PKHD1: variants seen among roughly 807,000 people sequenced by gnomAD.
PKHD1 encodes the protein PKHD1 ciliary IPT domain containing fibrocystin/polyductin.
PKHD1 carries 291 observed loss-of-function variants against 412.0 expected under a neutral mutation model. The ratio of observed to expected loss-of-function variants is 0.71; its 90% CI spans 0.64 to 0.78. The LOEUF is 0.78. Among genes scored for constraint, PKHD1 ranks in the 30% least tolerant of loss-of-function variants. PKHD1 has a pLI of 0.00. For missense variants in PKHD1, 4,825 were observed against 4,950.7 expected (o/e 0.97, Z 0.76); for synonymous variants, 1,777 against 1,821.5 (o/e 0.98, Z 0.62).
intron 28 of PKHD1, 29 bp downstream of exon 28, chr6:52,035,562 A>G: frequency 6.2e-7 from 1 of 1,606,140 alleles, no homozygotes; most frequent in Non-Finnish European, 8.5e-7. Context: ...TCACCCAGAG[A>G]GAAAGAGATA....
chr6:52,065,027 C>T lies in PKHD1; in HGVS notation c.904G>A (p.Val302Met), dbSNP rs779418460. 1.3e-5 allele frequency: 21 copies of T among 1,595,064 alleles called. 2 individuals carry two copies. In the South Asian group the frequency reaches 1.3e-4, roughly 10 times the overall value. Residue 302 changes from valine (V) to methionine (M), a missense_variant, in exon 13 of 67, where the codon GTG becomes ATG. By Grantham distance (21) the Val-to-Met change is conservative (BLOSUM62 1). Coordinates refer to ENST00000371117, the MANE Select transcript of PKHD1 (RefSeq NM_138694.4). ...IAGIPCDIRHVSPRKIECTTR... is the reference protein window; with the variant it reads ...IAGIPCDIRHMSPRKIECTTR... Reference sequence around the variant, plus strand: ...GTGCACTCAATCTTCCTGGGAGACACGTGTCTAATATCACATGGAATGCCT... The same window carrying T: ...GTGCACTCAATCTTCCTGGGAGACATGTGTCTAATATCACATGGAATGCCT...
chr6:51,819,563 G>A (rs1466861762), intron 52 of PKHD1, among the ~76,000 whole-genome samples: 16 of 152,098 alleles, frequency 1.1e-4, no homozygotes, highest in Non-Finnish European at 2.4e-4. Flanking sequence ...TTTGTTAGTC[G>A]TATTCATTTT....
intron 60 of PKHD1, among the ~76,000 whole-genome samples, chr6:51,675,839 A>G (rs1775747822): frequency 6.6e-6 from 1 of 152,224 alleles, no homozygotes; most frequent in Non-Finnish European, 1.5e-5. Flanking sequence ...CAAGAACATG[A>G]TAAAGTCCAG....
At chr6:51,627,672 C>T (rs1490917614) in intron 65 of PKHD1, among the ~76,000 whole-genome samples, 1 of 152,086 alleles carries the variant, frequency 6.6e-6, no homozygotes, top group African/African-American at 2.4e-5. Context: ...CAAGCATCTT[C>T]ACCCAGCCTT....
intron 52 of PKHD1, among the ~76,000 whole-genome samples, chr6:51,804,486 G>A (rs1202082216): frequency 6.8e-6 from 1 of 147,050 alleles, no homozygotes; most frequent in Admixed American, 6.6e-5. Context: ...ATGTAGCTTG[G>A]AGTACTTGCT....
intron 55 of PKHD1, among the ~76,000 whole-genome samples, chr6:51,757,866 C>T (rs1787279520): frequency 6.6e-6 from 1 of 151,842 alleles, no homozygotes; most frequent in Non-Finnish European, 1.5e-5. Context: ...AAAAATGTAG[C>T]CTAGCATGAT....
intron 35 of PKHD1, among the ~76,000 whole-genome samples, chr6:51,982,890 T>TAAAA (rs761826670): frequency 1.9e-4 from 7 of 37,636 alleles, no homozygotes; most frequent in Admixed American, 9.0e-4. Context: ...TAAAATAAAA[T>TAAAA]AAAAAAAAGA....
chr6:52,053,012 C>T, intron 21 of PKHD1, 64 bp downstream of exon 21: 1 of 1,499,152 alleles, frequency 6.7e-7, no homozygotes. Context: ...ACAGTAACCC[C>T]TAGCAGGAAA....
At chr6:52,053,579 T>C (rs556750804) in intron 20 of PKHD1, among the ~76,000 whole-genome samples, 1 of 152,224 alleles carries the variant, frequency 6.6e-6, no homozygotes, top group Non-Finnish European at 1.5e-5. Flanking sequence ...ACAGAGAAGA[T>C]TGATACTTCT....
intron 46 of PKHD1, among the ~76,000 whole-genome samples, chr6:51,872,875 C>CTCTTTTTTTTTTTTTTTT (rs1491300867): frequency 3.7e-5 from 3 of 81,492 alleles, no homozygotes; most frequent in African/African-American, 1.6e-4. Context: ...CCATCGTTTC[C>CTCTTTTTTTTTTTTTTTT]TTTTTTTTTT....
chr6:51,781,560 C>T (rs1257724496), intron 53 of PKHD1, among the ~76,000 whole-genome samples: 2 of 152,012 alleles, frequency 1.3e-5, no homozygotes, highest in Admixed American at 1.3e-4. Context: ...TTCTTTAAGC[C>T]TCAGCTTCCT....
chr6:51,842,224 C>T (rs964747516), intron 50 of PKHD1, among the ~76,000 whole-genome samples: 1 of 152,160 alleles, frequency 6.6e-6, no homozygotes, highest in Non-Finnish European at 1.5e-5. Flanking sequence ...CCGCCTCACA[C>T]AATGTCCCAG....
intron 60 of PKHD1, among the ~76,000 whole-genome samples, chr6:51,681,348 G>A (rs6903302): frequency 0.031 from 4,744 of 152,064 alleles, 80 homozygotes; most frequent in Non-Finnish European, 0.039. Flanking sequence ...CACCAACCCT[G>A]AATAAACACA....
chr6:52,024,671 C>T lies in PKHD1; in HGVS notation c.5139G>A (p.Glu1713=), dbSNP rs1474111250. 1 of 1,614,074 alleles carries T rather than the reference C, an allele frequency of 6.2e-7. No individual in the cohort carries two copies. Among genetic ancestry groups the T allele is most frequent in the East Asian group, 2.2e-5 (1 of 44,902 alleles). ...QCVVPSLPAG[E]YHVRGYDCIR... ...TGCAGTCATAGCCTCTGACGTGGTA[C>T]TCCCCGGCCGGAAGGGAAGGGACCA... The change falls in exon 32 of 67, where the codon GAG becomes GAA. Residue 1713 remains glutamate (E), a synonymous_variant. Coordinates refer to ENST00000371117, the MANE Select transcript of PKHD1 (RefSeq NM_138694.4).
chr6:51,897,137 C>T (rs954173305), intron 43 of PKHD1, among the ~76,000 whole-genome samples: 8 of 152,010 alleles, frequency 5.3e-5, no homozygotes, highest in African/African-American at 1.2e-4. Context: ...GGCAGGCCAA[C>T]GTTCAGATTC....
chr6:51,985,504 G>A (rs568103971), intron 35 of PKHD1, among the ~76,000 whole-genome samples: 4 of 152,256 alleles, frequency 2.6e-5, no homozygotes, highest in Admixed American at 6.5e-5. Flanking sequence ...TGAGGCGGGC[G>A]GATCACTTGA....
intron 60 of PKHD1, among the ~76,000 whole-genome samples, chr6:51,680,692 C>A (rs867816041): frequency 6.6e-6 from 1 of 152,028 alleles, no homozygotes; most frequent in Admixed American, 6.6e-5. Flanking sequence ...CTGCTACCTA[C>A]ACTATAGATT....
intron 60 of PKHD1, among the ~76,000 whole-genome samples, chr6:51,674,834 T>G (rs548767234): frequency 7.2e-5 from 11 of 152,288 alleles, no homozygotes; most frequent in African/African-American, 2.6e-4. Flanking sequence ...ATTTGGCCCT[T>G]TTAATATTTT....
rs145908303 is a variant in PKHD1 at position 51,665,026 on chromosome 6, G to T, written c.10157-5057C>A. Among the ~76,000 whole-genome samples the T allele has an allele frequency of 8.2e-4, 124 of 151,856 alleles. 1 individual carries two copies. In the East Asian group the frequency reaches 0.022, roughly 28 times the overall value. On this transcript the variant is annotated intron_variant, in intron 60 of 66. Transcript: ENST00000371117. Reference sequence around the variant, plus strand: ...CAAAAATGAAAAATATACTCATTTTGATTCAAGATAAGAATAAAGAATATT... The same window carrying T: ...CAAAAATGAAAAATATACTCATTTTTATTCAAGATAAGAATAAAGAATATT...
Sources: allele counts gnomAD v4.1 joint callset (sites outside exome capture counted in the v4.1 genomes callset), GRCh38; gene constraint gnomAD v4.1.1; transcripts MANE v1.5; gene names NCBI Gene and HGNC (gene_info 2026-07-23, HGNC 2026-07-21).